NOVA1: variants seen among roughly 807,000 people sequenced by gnomAD.
The protein encoded by NOVA1 is NOVA alternative splicing regulator 1.
NOVA1 carries 7 observed loss-of-function variants against 38.0 expected under a neutral mutation model. The ratio of observed to expected loss-of-function variants is 0.18; its 90% CI spans 0.10 to 0.35. NOVA1 has a LOEUF of 0.35. NOVA1 is among the 10% of genes least tolerant of loss of function. The pLI is 1.00. For synonymous variants in NOVA1, 270 were observed against 232.5 expected (o/e 1.16, Z -1.47); for missense variants, 460 against 616.0 (o/e 0.75, Z 2.68).
In NOVA1 at chr14:26,526,944, A is replaced by G. The variant is rs1889343584; in HGVS notation, c.281-46801T>C. On this transcript the variant is annotated intron_variant, in intron 2 of 4. Transcript: ENST00000539517. ...AAAATACGGCCATCCCAAATGCAAG[A>G]GTCTGTACCAGAATCTTGGACATCC... is the stretch of plus-strand genomic sequence containing the variant. Among the ~76,000 whole-genome samples, 4 of 152,158 alleles carry G rather than the reference A, an allele frequency of 2.6e-5. No individual in the cohort carries two copies. In the South Asian group the frequency reaches 8.3e-4, roughly 31 times the overall value.
intron 2 of NOVA1, among the ~76,000 whole-genome samples, chr14:26,532,088 C>T (rs1182770682): frequency 6.6e-6 from 1 of 152,174 alleles, no homozygotes; most frequent in Non-Finnish European, 1.5e-5. Flanking sequence ...TTGGAGAGCT[C>T]ATGAAATAGT....
At position 26,596,674 on chromosome 14, in the gene NOVA1, G is replaced by A. The variant is rs148784101; in HGVS notation, c.136+627C>T. The A allele has an allele frequency of 2.3e-5, 30 of 1,289,022 alleles. No individual in the cohort carries two copies. In the East Asian group the frequency reaches 5.0e-4, roughly 21 times the overall value. The allele number at this position is 1,289,022 out of a possible 1,614,324, so 79.8% of individuals were successfully genotyped here. ...CTCATCTTCCAAGGAAGCGCAGGAT[G>A]TTAACTAACAAGTCACCGTTCCAGA... On this transcript the variant is annotated intron_variant, in intron 1 of 4. Transcript: ENST00000539517.
chr14:26,509,217 C>T (rs1052349018), intron 2 of NOVA1, among the ~76,000 whole-genome samples: 1 of 151,996 alleles, frequency 6.6e-6, no homozygotes, highest in Non-Finnish European at 1.5e-5. Context: ...TGAAATACTA[C>T]ATTAATGTGT....
intron 2 of NOVA1, chr14:26,549,814 C>T (rs767309390): frequency 4.4e-6 from 5 of 1,145,686 alleles, no homozygotes; most frequent in South Asian, 2.6e-5. Flanking sequence ...ACAGTTGCTG[C>T]GTTCCACCTC....
At chr14:26,563,448 G>A (rs968116626) in intron 2 of NOVA1, among the ~76,000 whole-genome samples, 7 of 151,470 alleles carry the variant, frequency 4.6e-5, no homozygotes, top group Non-Finnish European at 1.0e-4. Context: ...GTAAGTCCCT[G>A]AATAACTACA....
chr14:26,503,877 A>C (rs923680276), intron 2 of NOVA1, among the ~76,000 whole-genome samples: 2 of 152,124 alleles, frequency 1.3e-5, no homozygotes, highest in Non-Finnish European at 2.9e-5. Flanking sequence ...ACAGAACAAC[A>C]GGCACAAACC....
rs1461890616 is a variant in NOVA1, at chr14:26,586,959, G to C, written c.280+8451C>G. Among the ~76,000 whole-genome samples, 4 of 146,608 alleles carry C rather than the reference G, an allele frequency of 2.7e-5. No individual in the cohort carries two copies. In the Admixed American group the frequency reaches 2.7e-4, roughly 10 times the overall value. On this transcript the variant is annotated intron_variant, in intron 2 of 4. Coordinates refer to ENST00000539517, the MANE Select transcript of NOVA1 (RefSeq NM_002515.3). Reference sequence around the variant, plus strand: ...ATATTCATTTTAAGACTAGGAGAGAGAGGAGGTAAGGACTTACTTCCTCAG... The same window carrying C: ...ATATTCATTTTAAGACTAGGAGAGACAGGAGGTAAGGACTTACTTCCTCAG...
Position 26,443,499 on chromosome 14 carries a change from C to T in NOVA1, c.*4460G>A, listed in dbSNP as rs1042911202. The T allele has an allele frequency of 6.6e-6, 1 of 151,740 alleles. No homozygotes were observed. Among genetic ancestry groups the T allele is most frequent in the Non-Finnish European group, 1.5e-5 (1 of 67,794 alleles). The allele number at this position is 151,740 out of a possible 1,614,324, so 9.4% of individuals were successfully genotyped here. ...GAATGACATCCTGTCTAGTACTATA[C>T]CTCAATATTTTTCAAAATTAACATG... is the stretch of plus-strand genomic sequence containing the variant. On this transcript the variant is annotated 3_prime_UTR_variant, in exon 5 of 5. Coordinates refer to ENST00000539517, the MANE Select transcript of NOVA1 (RefSeq NM_002515.3).
chr14:26,597,239 G>A, intron 1 of NOVA1, 62 bp downstream of exon 1: 1 of 1,190,306 alleles, frequency 8.4e-7, no homozygotes, highest in Non-Finnish European at 1.1e-6. Context: ...GGACGGCGAG[G>A]GAGGGAGGCA....
intron 2 of NOVA1, among the ~76,000 whole-genome samples, chr14:26,566,594 A>G (rs114076054): frequency 6.6e-6 from 1 of 152,056 alleles, no homozygotes; most frequent in Non-Finnish European, 1.5e-5. Context: ...CTTATCATCT[A>G]TTAGCCTACC....
intron 2 of NOVA1, among the ~76,000 whole-genome samples, chr14:26,557,512 C>G (rs980256696): frequency 5.3e-5 from 8 of 151,122 alleles, no homozygotes; most frequent in Admixed American, 5.3e-4. Context: ...CAGGCACATG[C>G]TACCATGACT....
chr14:26,455,547 C>A (rs910006597), intron 4 of NOVA1, among the ~76,000 whole-genome samples: 28 of 152,048 alleles, frequency 1.8e-4, no homozygotes, highest in Admixed American at 1.5e-3. Flanking sequence ...CAACTCCCCA[C>A]TGAATTACCC....
At chr14:26,513,474 T>G (rs550990357) in intron 2 of NOVA1, among the ~76,000 whole-genome samples, 9 of 151,954 alleles carry the variant, frequency 5.9e-5, no homozygotes, top group African/African-American at 2.2e-4. Flanking sequence ...AATCTGATTT[T>G]CTAAATCATC....
At chr14:26,571,030 CCA>C (rs1350886089) in intron 2 of NOVA1, among the ~76,000 whole-genome samples, 5 of 151,926 alleles carry the variant, frequency 3.3e-5, no homozygotes, top group Admixed American at 3.3e-4. Context: ...TACTATGAAT[CCA>C]CAGACTTCAC....
At chr14:26,591,547 GC>G (rs1893841277) in intron 2 of NOVA1, among the ~76,000 whole-genome samples, 1 of 151,624 alleles carries the variant, frequency 6.6e-6, no homozygotes. Flanking sequence ...ACTTTTAGAA[GC>G]TGTAAGAGAT....
chr14:26,562,877 CA>C (rs1481055656), intron 2 of NOVA1, among the ~76,000 whole-genome samples: 2 of 151,992 alleles, frequency 1.3e-5, no homozygotes, highest in African/African-American at 4.8e-5. Flanking sequence ...AACTACCAGG[CA>C]AAACAGAGAG....
At chr14:26,595,665 G>T in intron 1 of NOVA1, 112 bp from the exon 2 acceptor site, 1 of 811,314 alleles carries the variant, frequency 1.2e-6, no homozygotes, top group East Asian at 2.8e-5. Context: ...TATAACTGCA[G>T]GAAATATGAA....
chr14:26,537,587 T>C (rs1890193119), intron 2 of NOVA1, among the ~76,000 whole-genome samples: 1 of 152,132 alleles, frequency 6.6e-6, no homozygotes, highest in South Asian at 2.1e-4. Flanking sequence ...AACAAATGGT[T>C]AATGCCCTTA....
Position 26,595,475 on chromosome 14 carries a change from A to G in NOVA1, c.215T>C (p.Ile72Thr). The G allele has an allele frequency of 6.2e-7, 1 of 1,613,938 alleles. No homozygotes were observed. Residue 72 changes from isoleucine (I) to threonine (T), a missense_variant, in exon 2 of 5, where the codon ATT becomes ACT. Physicochemically the swap from Ile to Thr is moderately conservative, Grantham distance 89. Transcript: ENST00000539517. ...TCCAGTTTCTTTTTGCAACTGAACA[A>G]TTGTCTGTCCTCCCTTCCCAATTAT... Reference protein sequence around the residue: ...GSIIGKGGQTIVQLQKETGAT... With the variant: ...GSIIGKGGQTTVQLQKETGAT...
Sources: gnomAD v4.1 joint callset for allele counts (sites outside exome capture counted in the v4.1 genomes callset) on GRCh38, gnomAD v4.1.1 for gene constraint, MANE v1.5 for transcripts, NCBI Gene and HGNC (gene_info 2026-07-23, HGNC 2026-07-21) for gene names.